Variants in PRG4 observed in about 807,000 individuals in gnomAD.
The protein encoded by PRG4 is articular superficial zone protein.
A neutral mutation model predicts 91.2 loss-of-function variants in PRG4; 61 were observed. The observed-to-expected ratio is 0.67, with a 90% CI of 0.54 to 0.83. The LOEUF is 0.83. Among genes scored for constraint, PRG4 ranks in the 40% least tolerant of loss-of-function variants. The pLI is 0.00. For synonymous variants in PRG4, 576 were observed against 614.2 expected (o/e 0.94, Z 0.92); for missense variants, 1,564 against 1,714.2 (o/e 0.91, Z 1.55).
chr1:186,298,616 G>A (rs946291548), intron 2 of PRG4, among the ~76,000 whole-genome samples: 1 of 151,430 alleles, frequency 6.6e-6, no homozygotes, highest in African/African-American at 2.4e-5. Flanking sequence ...TCAGCCTCCC[G>A]AGTAGCTGGG....
rs1188942196 is a variant in PRG4, at chr1:186,312,229, G to A, written c.3848G>A (p.Gly1283Glu). 1 of 1,614,006 alleles carries A rather than the reference G, an allele frequency of 6.2e-7. No homozygotes were observed. The highest frequency in any genetic ancestry group is 1.1e-5 in the South Asian group (1 of 91,078). ...CAGGAACCTGTACAGAAGTGCCCTG[G>A]AAGAAGGCCTGCTCTAAATTATCCA... is the stretch of plus-strand genomic sequence containing the variant. Reference protein sequence around the residue: ...YKQEPVQKCPGRRPALNYPVY... With the variant: ...YKQEPVQKCPERRPALNYPVY... Residue 1283 changes from glycine to glutamate, a missense_variant, in exon 11 of 13, where the codon GGA becomes GAA. Coordinates refer to ENST00000445192, the MANE Select transcript of PRG4 (RefSeq NM_005807.6).
At chr1:186,302,990 C>T (rs1015369738) in intron 4 of PRG4, among the ~76,000 whole-genome samples, 31 of 152,164 alleles carry the variant, frequency 2.0e-4, no homozygotes, top group African/African-American at 7.0e-4. Context: ...ATTCATAAGA[C>T]AGTCAGCGTC....
chr1:186,310,375 C>T (rs889155588), intron 8 of PRG4, among the ~76,000 whole-genome samples: 2 of 152,138 alleles, frequency 1.3e-5, no homozygotes, highest in Non-Finnish European at 2.9e-5. Context: ...GAAAGCAATT[C>T]CTTTTCGTAC....
intron 4 of PRG4, 83 bp downstream of exon 4, chr1:186,301,794 C>T (rs1045063907): frequency 8.0e-6 from 12 of 1,508,252 alleles, no homozygotes; most frequent in African/African-American, 2.8e-5. Context: ...ATGTCTAACA[C>T]GCAGTCCATC....
At position 186,307,599 on chromosome 1, in the gene PRG4, C is replaced by A; in HGVS notation, c.1880C>A (p.Thr627Asn). 1 of 1,595,034 alleles carries A rather than the reference C, an allele frequency of 6.3e-7. No homozygotes were observed. Among genetic ancestry groups the A allele is most frequent in the South Asian group, 1.1e-5 (1 of 90,132 alleles). The change falls in exon 7 of 13, where the codon ACC becomes AAC. Residue 627 changes from threonine (T) to asparagine (N), a missense_variant. Transcript: ENST00000445192. Reference sequence around the variant, plus strand: ...ACCACCCCCAAGAAGCTCACGCCCACCACCCCCGAGAAGCTCGCACCCACC... The same window carrying A: ...ACCACCCCCAAGAAGCTCACGCCCAACACCCCCGAGAAGCTCGCACCCACC... Reference protein sequence around the residue: ...APTTPKKLTPTTPEKLAPTTP... With the variant: ...APTTPKKLTPNTPEKLAPTTP...
chr1:186,308,937 T>A lies in PRG4; in HGVS notation c.3218T>A (p.Leu1073His). ...NPTSRIAEAM[L>H]QTTTRPNQTP... is the part of the protein sequence containing the mutation. ...ACCTCAAGAATAGCAGAAGCCATGC[T>A]CCAAACCACCACCAGACCTAACCAA... is the stretch of plus-strand genomic sequence containing the variant. Residue 1073 changes from leucine to histidine, a missense_variant, in exon 7 of 13, where the codon CTC becomes CAC. Leu to His is a moderately conservative substitution (Grantham distance 99). Around this residue, in one of 3 missense-constraint regions of PRG4, gnomAD observed 1,079 missense variants for 1,162.2 expected, o/e 0.93. Transcript: ENST00000445192. The A allele has an allele frequency of 1.9e-6, 3 of 1,611,058 alleles. No individual in the cohort carries two copies. The highest frequency in any genetic ancestry group is 2.5e-6 in the Non-Finnish European group (3 of 1,178,884).
chr1:186,297,904 G>A (rs1464069683), intron 2 of PRG4, among the ~76,000 whole-genome samples: 1 of 152,178 alleles, frequency 6.6e-6, no homozygotes, highest in Admixed American at 6.5e-5. Context: ...GAAAGCAAAT[G>A]TGAATATTCA....
At chr1:186,313,600 G>T in intron 12 of PRG4, 81 bp from the exon 13 acceptor site, 4 of 830,020 alleles carry the variant, frequency 4.8e-6, no homozygotes, top group Non-Finnish European at 8.5e-6. Flanking sequence ...TTGTCTTTGA[G>T]CATAATAGTC....
chr1:186,307,648 C>A lies in PRG4; in HGVS notation c.1929C>A (p.Thr643=), dbSNP rs749989676. The change falls in exon 7 of 13, where the codon ACC becomes ACA. Residue 643 remains threonine (T), a synonymous_variant. Transcript: ENST00000445192. ...CCACCCCTGAGAAGCCCGCACCCAC[C>A]ACCCCTGAGGAGCTCGCACCCACCA... ...APTTPEKPAP[T]TPEELAPTTP... The A allele has an allele frequency of 6.2e-7, 1 of 1,600,420 alleles. No individual in the cohort carries two copies. The highest frequency in any genetic ancestry group is 8.5e-7 in the Non-Finnish European group (1 of 1,175,264).
At position 186,307,820 on chromosome 1, in the gene PRG4, C is replaced by T. The variant is rs1353586549; in HGVS notation, c.2101C>T (p.Pro701Ser). 1 of 1,611,424 alleles carries T rather than the reference C, an allele frequency of 6.2e-7. No individual in the cohort carries two copies. The highest frequency in any genetic ancestry group is 1.7e-5 in the Admixed American group (1 of 59,838). The change falls in exon 7 of 13, where the codon CCT becomes TCT. Residue 701 changes from proline to serine, a missense_variant. Pro to Ser is a moderately conservative substitution (Grantham distance 74). Around this residue, in one of 3 missense-constraint regions of PRG4, gnomAD observed 1,079 missense variants for 1,162.2 expected, o/e 0.93. Transcript: ENST00000445192. Reference protein sequence around the residue: ...TTPKEPAPTTPKETAPTTPKG... With the variant: ...TTPKEPAPTTSKETAPTTPKG... ...CCCTAAGGAGCCTGCTCCAACTACC[C>T]CTAAGGAGACTGCTCCAACTACCCC...
chr1:186,310,011 G>A (rs1009257944), intron 8 of PRG4, 141 bp downstream of exon 8: 1 of 698,972 alleles, frequency 1.4e-6, no homozygotes, highest in Non-Finnish European at 2.6e-6. Context: ...GAGAATCCGA[G>A]AGTAATAACA....
Position 186,308,824 on chromosome 1 carries a change from A to C in PRG4, c.3105A>C (p.Lys1035Asn). 6.2e-7 allele frequency: 1 copy of C among 1,613,952 alleles called. No homozygotes were observed. The highest frequency in any genetic ancestry group is 1.3e-5 in the African/African-American group (1 of 75,036). ...TKAPKKPTSTKKPKTMPRVRK... is the reference protein window; with the variant it reads ...TKAPKKPTSTNKPKTMPRVRK... ...CACCCAAAAAACCCACTTCTACCAA[A>C]AAGCCAAAAACAATGCCTAGAGTGA... The change falls in exon 7 of 13, where the codon AAA becomes AAC. Residue 1035 changes from lysine (K) to asparagine (N), a missense_variant. Physicochemically the swap from Lys to Asn is moderately conservative, Grantham distance 94. This residue lies in a region of PRG4 where 1,079 missense variants were observed against 1,162.2 expected (regional missense o/e 0.93). Transcript: ENST00000445192.
Position 186,311,495 on chromosome 1 carries a change from C to T in PRG4, c.3692C>T (p.Pro1231Leu). Residue 1231 changes from proline to leucine, a missense_variant, in exon 10 of 13, where the codon CCA becomes CTA. By Grantham distance (98) the Pro-to-Leu change is moderately conservative. Around this residue, in one of 3 missense-constraint regions of PRG4, gnomAD observed 1,079 missense variants for 1,162.2 expected, o/e 0.93. Coordinates refer to ENST00000445192, the MANE Select transcript of PRG4 (RefSeq NM_005807.6). ...ATAAAAGATGCAGGGTACCCCAAAC[C>T]AATTTTCAAAGGATTTGGAGGACTA... is the stretch of plus-strand genomic sequence containing the variant. ...NDIKDAGYPK[P>L]IFKGFGGLTG... is the part of the protein sequence containing the mutation. 6.2e-7 allele frequency: 1 copy of T among 1,613,846 alleles called. No individual in the cohort carries two copies. The highest frequency in any genetic ancestry group is 8.5e-7 in the Non-Finnish European group (1 of 1,179,810).
intron 2 of PRG4, among the ~76,000 whole-genome samples, chr1:186,299,215 AT>A (rs1656042950): frequency 6.6e-6 from 1 of 152,166 alleles, no homozygotes. Flanking sequence ...TTGTTTGCTT[AT>A]TTGTTGCCTG....
At position 186,301,659 on chromosome 1, in the gene PRG4, A is replaced by T. The variant is rs144933686; in HGVS notation, c.267A>T (p.Gln89His). ...GGAGGGAGTGTGACTGCGACGCCCA[A>T]TGTAAGAAGTATGACAAGTGCTGTC... The part of the protein sequence containing the change: ...ERGRECDCDA[Q>H]CKKYDKCCPD... The change falls in exon 4 of 13, where the codon CAA (glutamine) becomes CAT (histidine). Residue 89 changes from glutamine to histidine, a missense_variant. Around this residue, in one of 3 missense-constraint regions of PRG4, gnomAD observed 437 missense variants for 459.0 expected, o/e 0.95. Transcript: ENST00000445192. 3.7e-6 allele frequency: 6 copies of T among 1,613,856 alleles called. No homozygotes were observed. Among genetic ancestry groups the T allele is most frequent in the Non-Finnish European group, 5.1e-6 (6 of 1,179,794 alleles).
chr1:186,299,987 TCA>T (rs1656093041), intron 2 of PRG4, 102 bp from the exon 3 acceptor site: 1 of 1,376,944 alleles, frequency 7.3e-7, no homozygotes, highest in Non-Finnish European at 1.0e-6. Context: ...ACCTTCTCGA[TCA>T]ATAAAATTCT....
At position 186,306,205 on chromosome 1, in the gene PRG4, T is replaced by C. The variant is rs559387288; in HGVS notation, c.599-113T>C. 2.5e-4 allele frequency: 211 copies of C among 839,128 alleles called. 6 individuals carry two copies. The African/African-American group carries it at 3.2e-3, about 13-fold the overall frequency. The allele number at this position is 839,128 out of a possible 1,614,324, so 52.0% of individuals were successfully genotyped here. ...AACAAATTAAAGGACATAGTAGAGA[T>C]TAGCAATTTGCTTAGAAACACACAA... On this transcript the variant is annotated intron_variant, in intron 6 of 12. Transcript: ENST00000445192.
chr1:186,311,382 G>A, intron 9 of PRG4, 58 bp from the exon 10 acceptor site: 1 of 1,547,940 alleles, frequency 6.5e-7, no homozygotes, highest in East Asian at 2.2e-5. Context: ...ATCTAGAAAG[G>A]AGTTCCAAAT....
Position 186,307,333 on chromosome 1 carries a change from A to T in PRG4, c.1614A>T (p.Ala538=), listed in dbSNP as rs1571567779. ...KSAPTTTKEP[A]PTTTKSAPTT... is the part of the protein sequence containing the mutation. ...CACCCACCACTACCAAGGAGCCTGC[A>T]CCCACCACTACCAAGTCTGCACCCA... The change falls in exon 7 of 13, where the codon GCA becomes GCT. Residue 538 remains alanine (A), a synonymous_variant. Transcript: ENST00000445192. The T allele has an allele frequency of 2.5e-6, 4 of 1,577,082 alleles. No homozygotes were observed. Among genetic ancestry groups the T allele is most frequent in the Non-Finnish European group, 3.4e-6 (4 of 1,168,432 alleles).
Sources: allele counts gnomAD v4.1 joint callset (sites outside exome capture counted in the v4.1 genomes callset), GRCh38; gene constraint gnomAD v4.1.1; regional missense constraint gnomAD v4.1.1; transcripts MANE v1.5; gene names NCBI Gene and HGNC (gene_info 2026-07-23, HGNC 2026-07-21).